KIAA0040: variants seen among roughly 807,000 people sequenced by gnomAD.
KIAA0040 encodes the protein uncharacterized protein KIAA0040.
Under a neutral mutation model 7.2 loss-of-function variants are expected in KIAA0040, and 10 were observed. That is an observed-to-expected ratio of 1.38 (90% CI 0.85 to 2.34). The LOEUF (loss-of-function observed/expected upper bound fraction) is 2.34. Ranked by LOEUF, KIAA0040 falls within the 30% of genes most tolerant of loss-of-function variation. The pLI is 0.00. For synonymous variants in KIAA0040, 49 were observed against 40.1 expected, an observed-to-expected ratio of 1.22 and a Z score of -0.84; for missense variants, 89 against 108.2, an observed-to-expected ratio of 0.82 and a Z score of 0.79.
intron 1 of KIAA0040, among the ~76,000 whole-genome samples, chr1:175,190,266 G>A (rs1371688009): frequency 1.3e-5 from 2 of 152,202 alleles, no homozygotes; most frequent in African/African-American, 2.4e-5. Flanking sequence ...TGAGCGTTCG[G>A]AGAAAGTCAT....
chr1:175,160,981 G>C lies in KIAA0040; in HGVS notation c.33C>G (p.Ile11Met). 6.4e-7 allele frequency: 1 copy of C among 1,551,408 alleles called. No homozygotes were observed. The highest frequency in any genetic ancestry group is 8.7e-7 in the Non-Finnish European group (1 of 1,146,976). Residue 11 changes from isoleucine (I) to methionine (M), a missense_variant, in exon 4 of 4, where the codon ATC becomes ATG. Coordinates refer to ENST00000423313, the MANE Select transcript of KIAA0040 (RefSeq NM_014656.3). The part of the protein sequence containing the change: MERISAFFSS[I>M]WDTILTKHQE... ...GGTGTTTGGTCAAGATGGTGTCCCAGATAGAGCTGAAGAAGGCACTGATTC... is the reference window on the plus strand; with the variant it reads ...GGTGTTTGGTCAAGATGGTGTCCCACATAGAGCTGAAGAAGGCACTGATTC...
At chr1:175,167,831 C>T (rs371854538) in intron 2 of KIAA0040, among the ~76,000 whole-genome samples, 1 of 151,810 alleles carries the variant, frequency 6.6e-6, no homozygotes, top group East Asian at 1.9e-4. Flanking sequence ...GCCCAACTTT[C>T]CTTCTTCTAA....
chr1:175,161,953 G>A (rs1429467494), intron 3 of KIAA0040, among the ~76,000 whole-genome samples: 2 of 152,102 alleles, frequency 1.3e-5, no homozygotes, highest in South Asian at 2.1e-4. Context: ...TATGGGAGAG[G>A]AGTCCTTGCA....
chr1:175,178,763 T>C (rs898224857), intron 1 of KIAA0040, among the ~76,000 whole-genome samples: 3 of 152,236 alleles, frequency 2.0e-5, no homozygotes, highest in Non-Finnish European at 2.9e-5. Flanking sequence ...TAACATCAAC[T>C]GCCCTCACCA....
chr1:175,169,256 G>A (rs1353770905), intron 2 of KIAA0040, among the ~76,000 whole-genome samples: 1 of 152,164 alleles, frequency 6.6e-6, no homozygotes, highest in Non-Finnish European at 1.5e-5. Context: ...CTCTCCTATA[G>A]GGCAGCTTTG....
At chr1:175,164,396 G>C (rs1442940522) in intron 3 of KIAA0040, among the ~76,000 whole-genome samples, 1 of 152,182 alleles carries the variant, frequency 6.6e-6, no homozygotes, top group Non-Finnish European at 1.5e-5. Context: ...GATAGATCAA[G>C]TCATAAAAGC....
At chr1:175,185,095 A>G (rs1022128830) in intron 1 of KIAA0040, among the ~76,000 whole-genome samples, 1 of 152,180 alleles carries the variant, frequency 6.6e-6, no homozygotes, top group African/African-American at 2.4e-5. Flanking sequence ...CCAAAATCTA[A>G]AAGTTTTTGA....
At chr1:175,181,480 C>G (rs557509950) in intron 1 of KIAA0040, among the ~76,000 whole-genome samples, 23 of 152,330 alleles carry the variant, frequency 1.5e-4, no homozygotes, top group African/African-American at 5.5e-4. Context: ...TCTCTCTCTT[C>G]TAACGCTTTC....
intron 1 of KIAA0040, among the ~76,000 whole-genome samples, chr1:175,189,806 A>G (rs374953150): frequency 6.6e-6 from 1 of 151,536 alleles, no homozygotes; most frequent in East Asian, 1.9e-4. Flanking sequence ...TGCCCTGGTG[A>G]GTAATAATTA....
At chr1:175,175,323 G>C (rs1279222842) in intron 2 of KIAA0040, among the ~76,000 whole-genome samples, 1 of 151,562 alleles carries the variant, frequency 6.6e-6, no homozygotes, top group East Asian at 1.9e-4. Flanking sequence ...AAACCACAAT[G>C]AGATACCATC....
intron 1 of KIAA0040, among the ~76,000 whole-genome samples, chr1:175,188,250 G>A (rs1340681351): frequency 1.3e-5 from 2 of 152,166 alleles, no homozygotes; most frequent in African/African-American, 2.4e-5. Context: ...TGTGAGGTTC[G>A]TTTTGGAACT....
intron 2 of KIAA0040, among the ~76,000 whole-genome samples, chr1:175,167,475 G>C (rs777802393): frequency 3.3e-5 from 5 of 152,220 alleles, no homozygotes; most frequent in Non-Finnish European, 7.3e-5. Flanking sequence ...CAGCAGTGGT[G>C]GGGTGAGGGT....
chr1:175,173,339 T>C lies in KIAA0040; in HGVS notation c.-310+4272A>G, dbSNP rs552573317. Among the ~76,000 whole-genome samples, 12 of 152,346 alleles carry C rather than the reference T, an allele frequency of 7.9e-5. No individual in the cohort carries two copies. In the South Asian group the frequency reaches 1.2e-3, roughly 16 times the overall value. On this transcript the variant is annotated intron_variant, in intron 2 of 3. Coordinates refer to ENST00000423313, the MANE Select transcript of KIAA0040 (RefSeq NM_014656.3). Reference sequence around the variant, plus strand: ...TTTCACAGGAACAAGGAATGATCTGTTGAATCAAAAAGCCATCATTTGCTG... The same window carrying C: ...TTTCACAGGAACAAGGAATGATCTGCTGAATCAAAAAGCCATCATTTGCTG...
intron 3 of KIAA0040, among the ~76,000 whole-genome samples, chr1:175,164,591 C>T (rs1676682331): frequency 6.6e-6 from 1 of 151,778 alleles, no homozygotes; most frequent in Admixed American, 6.6e-5. Context: ...CAAGCTAAAG[C>T]TAAGTCAATA....
intron 1 of KIAA0040, among the ~76,000 whole-genome samples, chr1:175,181,218 G>C (rs999840443): frequency 6.6e-6 from 1 of 151,076 alleles, no homozygotes; most frequent in Non-Finnish European, 1.5e-5. Flanking sequence ...ACTGAGTAGA[G>C]TATGTGTGTA....
At chr1:175,181,622 G>A (rs1053911045) in intron 1 of KIAA0040, among the ~76,000 whole-genome samples, 2 of 151,990 alleles carry the variant, frequency 1.3e-5, no homozygotes, top group Admixed American at 1.3e-4. Context: ...TGTTGTTGGG[G>A]AACTGGACAA....
At chr1:175,176,916 T>C (rs1002670277) in intron 2 of KIAA0040, among the ~76,000 whole-genome samples, 19 of 152,102 alleles carry the variant, frequency 1.2e-4, no homozygotes, top group Non-Finnish European at 2.2e-4. Flanking sequence ...GGAGTATGTA[T>C]GGAAGAAACT....
At chr1:175,162,745 T>A (rs1418431140) in intron 3 of KIAA0040, among the ~76,000 whole-genome samples, 3 of 152,164 alleles carry the variant, frequency 2.0e-5, no homozygotes, top group African/African-American at 7.2e-5. Context: ...CCAGTGCCCA[T>A]GTGCCTATCT....
At chr1:175,167,882 G>A (rs151123549) in intron 2 of KIAA0040, among the ~76,000 whole-genome samples, 2,225 of 151,930 alleles carry the variant, frequency 0.015, 60 homozygotes, top group African/African-American at 0.052. Flanking sequence ...GAATGTATAT[G>A]TATATTCTTT....
Sources: gnomAD v4.1 joint callset for allele counts (sites outside exome capture counted in the v4.1 genomes callset) on GRCh38, gnomAD v4.1.1 for gene constraint, MANE v1.5 for transcripts, NCBI Gene and HGNC (gene_info 2026-07-23, HGNC 2026-07-21) for gene names.